The following RAPGEF2 variants were observed in gnomAD, a reference collection of about 807,000 sequenced individuals.
RAPGEF2 encodes Rap guanine nucleotide exchange factor 2.
In RAPGEF2, 54 loss-of-function variants were observed where a neutral mutation model predicts 186.7. The ratio of observed to expected loss-of-function variants is 0.29; its 90% CI spans 0.23 to 0.36. The LOEUF is 0.36. Among genes scored for constraint, RAPGEF2 ranks in the 10% least tolerant of loss-of-function variants. RAPGEF2 has a pLI of 1.00. For missense variants in RAPGEF2, 1,532 were observed against 2,045.0 expected, an observed-to-expected ratio of 0.75 and a Z score of 4.84; for synonymous variants, 712 against 705.9, an observed-to-expected ratio of 1.01 and a Z score of -0.14.
intron 4 of RAPGEF2, among the ~76,000 whole-genome samples, chr4:159,217,221 A>T (rs7676749): frequency 0.52 from 78,989 of 151,916 alleles, 21,969 homozygotes; most frequent in Non-Finnish European, 0.63. Flanking sequence ...GGTTTGTTAC[A>T]AGGGTATATT....
intron 8 of RAPGEF2, among the ~76,000 whole-genome samples, chr4:159,310,738 A>G (rs769373785): frequency 5.9e-5 from 9 of 152,148 alleles, no homozygotes; most frequent in Non-Finnish European, 1.0e-4. Flanking sequence ...GGCTAACATA[A>G]CTATGTAAAC....
intron 1 of RAPGEF2, among the ~76,000 whole-genome samples, chr4:159,112,422 C>G (rs572346925): frequency 5.3e-5 from 8 of 151,862 alleles, no homozygotes; most frequent in Non-Finnish European, 1.2e-4. Flanking sequence ...TAGCCTTAGC[C>G]TTCATATTCT....
chr4:159,187,752 GATA>G (rs1376531230), intron 2 of RAPGEF2, among the ~76,000 whole-genome samples: 1 of 152,148 alleles, frequency 6.6e-6, no homozygotes, highest in East Asian at 1.9e-4. Flanking sequence ...TAGGAAGATG[GATA>G]ATATATAAAC....
chr4:159,164,060 A>T (rs915869602), intron 1 of RAPGEF2, among the ~76,000 whole-genome samples: 1 of 150,730 alleles, frequency 6.6e-6, no homozygotes, highest in African/African-American at 2.4e-5. Flanking sequence ...GCTGGAGTGC[A>T]GTGGCGCAAT....
At chr4:159,228,740 T>C (rs1752303555) in intron 4 of RAPGEF2, among the ~76,000 whole-genome samples, 1 of 152,212 alleles carries the variant, frequency 6.6e-6, no homozygotes, top group Non-Finnish European at 1.5e-5. Context: ...AAATTATATA[T>C]GTACTTGGTG....
chr4:159,110,208 C>T (rs1738334893), intron 1 of RAPGEF2, among the ~76,000 whole-genome samples: 1 of 152,140 alleles, frequency 6.6e-6, no homozygotes, highest in South Asian at 2.1e-4. Flanking sequence ...TTTAAGGTTT[C>T]TCACACTATT....
rs10000931 is a variant in RAPGEF2 at position 159,286,433 on chromosome 4, C to G, written c.544-17909C>G. On this transcript the variant is annotated intron_variant, in intron 7 of 29. Transcript: ENST00000691494. Reference sequence around the variant, plus strand: ...CCCTTATTTCTCATCTGCCCTTCTTCTGCATGCTATTCTTCACATTTATAA... The same window carrying G: ...CCCTTATTTCTCATCTGCCCTTCTTGTGCATGCTATTCTTCACATTTATAA... Among the ~76,000 whole-genome samples the G allele has an allele frequency of 6.9e-3, 1,058 of 152,254 alleles. 11 individuals carry two copies. Among genetic ancestry groups the G allele is most frequent in the African/African-American group, 0.024 (1,002 of 41,564 alleles).
At chr4:159,315,372 T>C (rs1764446026) in intron 9 of RAPGEF2, among the ~76,000 whole-genome samples, 1 of 148,794 alleles carries the variant, frequency 6.7e-6, no homozygotes, top group Non-Finnish European at 1.5e-5. Context: ...ACCTGTGTCA[T>C]GGGGGTTTGT....
rs1561041390 is a variant in RAPGEF2 at position 159,171,657 on chromosome 4, C to A, written c.70-14985C>A. On this transcript the variant is annotated intron_variant, in intron 1 of 29. Transcript: ENST00000691494. Reference sequence around the variant, plus strand: ...GTTCCACTAGTAGTTCTAGAGATATCTTTCATGTAAAAGGAGTGTCTCTTA... The same window carrying A: ...GTTCCACTAGTAGTTCTAGAGATATATTTCATGTAAAAGGAGTGTCTCTTA... Among the ~76,000 whole-genome samples, 8 of 150,822 alleles carry A rather than the reference C, an allele frequency of 5.3e-5. No homozygotes were observed. The South Asian group carries it at 1.7e-3, about 32-fold the overall frequency.
intron 24 of RAPGEF2, among the ~76,000 whole-genome samples, chr4:159,346,312 A>G (rs1730298486): frequency 6.6e-6 from 1 of 152,200 alleles, no homozygotes; most frequent in South Asian, 2.1e-4. Context: ...GCTTGCATAG[A>G]TAATTCTACC....
At chr4:159,160,516 A>G (rs1253382290) in intron 1 of RAPGEF2, among the ~76,000 whole-genome samples, 1 of 152,232 alleles carries the variant, frequency 6.6e-6, no homozygotes, top group Non-Finnish European at 1.5e-5. Context: ...TATGGCTAGA[A>G]AGTGTTTGTT....
intron 4 of RAPGEF2, among the ~76,000 whole-genome samples, chr4:159,224,666 A>T (rs573914300): frequency 6.6e-6 from 1 of 152,254 alleles, no homozygotes; most frequent in African/African-American, 2.4e-5. Context: ...TCGAACAGAG[A>T]GGCTGTAGGT....
At chr4:159,301,954 T>C (rs751202904) in intron 7 of RAPGEF2, among the ~76,000 whole-genome samples, 4 of 152,218 alleles carry the variant, frequency 2.6e-5, no homozygotes, top group Non-Finnish European at 5.9e-5. Flanking sequence ...GTTAGGAATG[T>C]CTTACTTATC....
chr4:159,174,932 T>G (rs1305751029), intron 1 of RAPGEF2, among the ~76,000 whole-genome samples: 1 of 152,146 alleles, frequency 6.6e-6, no homozygotes, highest in African/African-American at 2.4e-5. Flanking sequence ...AATTTTGTTT[T>G]CTTTTTTCTC....
chr4:159,219,909 CT>C (rs1401025477), intron 4 of RAPGEF2, among the ~76,000 whole-genome samples: 1 of 152,180 alleles, frequency 6.6e-6, no homozygotes, highest in Non-Finnish European at 1.5e-5. Flanking sequence ...TTGATTGCTT[CT>C]TATATGCTTG....
chr4:159,292,072 A>G (rs1561222535), intron 7 of RAPGEF2, among the ~76,000 whole-genome samples: 1 of 152,156 alleles, frequency 6.6e-6, no homozygotes, highest in Non-Finnish European at 1.5e-5. Flanking sequence ...CTTTTGTGCA[A>G]CATTACCACC....
At chr4:159,123,539 CTTTT>C (rs1194385402) in intron 1 of RAPGEF2, among the ~76,000 whole-genome samples, 1 of 133,694 alleles carries the variant, frequency 7.5e-6, no homozygotes, top group Non-Finnish European at 1.6e-5. Context: ...GGATTTTTAT[CTTTT>C]TTTTTTTTTT....
chr4:159,351,545 T>G (rs1201557851), intron 26 of RAPGEF2, among the ~76,000 whole-genome samples: 1 of 152,172 alleles, frequency 6.6e-6, no homozygotes, highest in African/African-American at 2.4e-5. Flanking sequence ...AAATTTGCAT[T>G]GCATATAAGA....
At chr4:159,312,064 T>C (rs996299314) in intron 8 of RAPGEF2, among the ~76,000 whole-genome samples, 4 of 152,182 alleles carry the variant, frequency 2.6e-5, no homozygotes, top group Admixed American at 2.0e-4. Flanking sequence ...TTGAAAGTCT[T>C]TATGTTCTGC....
Sources: gnomAD v4.1 joint callset for allele counts (sites outside exome capture counted in the v4.1 genomes callset) on GRCh38, gnomAD v4.1.1 for gene constraint, MANE v1.5 for transcripts, NCBI Gene and HGNC (gene_info 2026-07-23, HGNC 2026-07-21) for gene names.